Variants in ABCA13 observed in about 807,000 individuals in gnomAD.
ABCA13 encodes ATP binding cassette subfamily A member 13.
ABCA13 carries 476 observed loss-of-function variants against 478.7 expected under a neutral mutation model. The ratio of observed to expected loss-of-function variants is 0.99; its 90% CI spans 0.92 to 1.07. The LOEUF is 1.07. Among genes scored for constraint, ABCA13 ranks in the 50% least tolerant of loss-of-function variants. ABCA13 has a pLI of 0.00. For missense variants in ABCA13, 6,060 were observed against 5,910.6 expected (o/e 1.03, Z -0.83); for synonymous variants, 2,252 against 2,158.9 (o/e 1.04, Z -1.20).
intron 56 of ABCA13, among the ~76,000 whole-genome samples, chr7:48,582,756 A>G (rs969069497): frequency 2.6e-5 from 4 of 152,100 alleles, no homozygotes; most frequent in Non-Finnish European, 5.9e-5. Context: ...TCAACCTTTC[A>G]AAAGTTTGAT....
At chr7:48,425,976 C>T (rs1158213210) in intron 41 of ABCA13, among the ~76,000 whole-genome samples, 2 of 152,034 alleles carry the variant, frequency 1.3e-5, no homozygotes, top group Admixed American at 6.5e-5. Context: ...CTCCTGACCT[C>T]GTGATCCGCC....
At chr7:48,566,541 G>C (rs1394936126) in intron 55 of ABCA13, among the ~76,000 whole-genome samples, 1 of 152,120 alleles carries the variant, frequency 6.6e-6, no homozygotes, top group African/African-American at 2.4e-5. Flanking sequence ...ATATAGATGA[G>C]CTCACTTCTT....
intron 59 of ABCA13, among the ~76,000 whole-genome samples, chr7:48,621,878 T>G (rs577661394): frequency 2.5e-4 from 38 of 152,334 alleles, no homozygotes; most frequent in South Asian, 6.2e-4. Context: ...ATGCTTTTCC[T>G]GGCTTCAGCC....
At chr7:48,521,204 C>CG (rs1462176830) in intron 53 of ABCA13, among the ~76,000 whole-genome samples, 1 of 152,066 alleles carries the variant, frequency 6.6e-6, no homozygotes, top group Non-Finnish European at 1.5e-5. Flanking sequence ...TGGTTGGCTT[C>CG]CCCCCCATAC....
intron 31 of ABCA13, among the ~76,000 whole-genome samples, chr7:48,364,360 A>T (rs764451449): frequency 5.9e-5 from 9 of 152,166 alleles, no homozygotes; most frequent in African/African-American, 2.2e-4. Flanking sequence ...ACAATGTGTG[A>T]TAATCAAATC....
intron 55 of ABCA13, among the ~76,000 whole-genome samples, chr7:48,570,319 CTTTTTTTTT>C (rs35693419): frequency 1.1e-5 from 1 of 88,216 alleles, no homozygotes; most frequent in African/African-American, 5.0e-5. Flanking sequence ...TTTGCATCCT[CTTTTTTTTT>C]TTTTTTTTTT....
chr7:48,429,272 A>C (rs1010224653), intron 42 of ABCA13, among the ~76,000 whole-genome samples: 8 of 152,152 alleles, frequency 5.3e-5, no homozygotes, highest in Admixed American at 5.2e-4. Flanking sequence ...ATTTTTGTGG[A>C]TATGTTTTCT....
At chr7:48,556,519 C>A (rs1329619728) in intron 55 of ABCA13, among the ~76,000 whole-genome samples, 2 of 151,808 alleles carry the variant, frequency 1.3e-5, no homozygotes, top group Non-Finnish European at 2.9e-5. Flanking sequence ...AATTGTTTTA[C>A]CTTCTTGCTG....
chr7:48,193,271 C>A (rs1423328293), intron 2 of ABCA13, among the ~76,000 whole-genome samples: 1 of 152,142 alleles, frequency 6.6e-6, no homozygotes, highest in Non-Finnish European at 1.5e-5. Flanking sequence ...CAATCTAGCA[C>A]ATAGATTTAT....
At position 48,275,211 on chromosome 7, in the gene ABCA13, T is replaced by G; in HGVS notation, c.5545T>G (p.Ser1849Ala). 1 of 1,613,932 alleles carries G rather than the reference T, an allele frequency of 6.2e-7. No individual in the cohort carries two copies. Among genetic ancestry groups the G allele is most frequent in the African/African-American group, 1.3e-5 (1 of 75,046 alleles). ...DPCNVHGLMS[S>A]SFYGKVASIL... ...CTGCAATGTCCATGGGCTCATGTCTTCTTCCTTTTATGGCAAAGTGGCCAG... is the reference window on the plus strand; with the variant it reads ...CTGCAATGTCCATGGGCTCATGTCTGCTTCCTTTTATGGCAAAGTGGCCAG... The change falls in exon 17 of 62, where the codon TCT becomes GCT. Residue 1849 changes from serine to alanine, a missense_variant. Coordinates refer to ENST00000435803, the MANE Select transcript of ABCA13 (RefSeq NM_152701.5).
At chr7:48,287,300 C>T (rs1437797929) in intron 19 of ABCA13, among the ~76,000 whole-genome samples, 1 of 152,112 alleles carries the variant, frequency 6.6e-6, no homozygotes. Context: ...TGGGGGATCT[C>T]CTTTGGGGAA....
In ABCA13 at chr7:48,354,486, G is replaced by T. The variant is rs187532851; in HGVS notation, c.10688+1999G>T. ...ACATTGCAAGAGAGCTAGAAAGGAG[G>T]AATTGAGGGACATGGATGGAGACAT... is the stretch of plus-strand genomic sequence containing the variant. On this transcript the variant is annotated intron_variant, in intron 31 of 61. Transcript: ENST00000435803. 1.2e-3 allele frequency among the ~76,000 whole-genome samples: 185 copies of T among 152,104 alleles called. 2 individuals carry two copies. Among genetic ancestry groups the T allele is most frequent in the African/African-American group, 4.3e-3 (177 of 41,374 alleles).
intron 37 of ABCA13, among the ~76,000 whole-genome samples, chr7:48,389,856 A>T (rs192576718): frequency 6.6e-6 from 1 of 152,330 alleles, no homozygotes; most frequent in Admixed American, 6.5e-5. Flanking sequence ...TGAACAAATC[A>T]CTTTCTCTTT....
In ABCA13 at chr7:48,273,739, T is replaced by C. The variant is rs1288946973; in HGVS notation, c.4073T>C (p.Leu1358Ser). The change falls in exon 17 of 62, where the codon TTA (leucine) becomes TCA (serine). Residue 1358 changes from leucine (L) to serine (S), a missense_variant. Physicochemically the swap from Leu to Ser is moderately radical, Grantham distance 145. Coordinates refer to ENST00000435803, the MANE Select transcript of ABCA13 (RefSeq NM_152701.5). ...TTCCAAAATGTTACTGAGTGTATTTTAGAAGATGGCTTTTTATATGTAAAT... is the reference window on the plus strand; with the variant it reads ...TTCCAAAATGTTACTGAGTGTATTTCAGAAGATGGCTTTTTATATGTAAAT... ...DIFQNVTECI[L>S]EDGFLYVNTS... 9 of 1,610,170 alleles carry C rather than the reference T, an allele frequency of 5.6e-6. No individual in the cohort carries two copies. Among genetic ancestry groups the C allele is most frequent in the Non-Finnish European group, 7.6e-6 (9 of 1,177,990 alleles).
chr7:48,330,577 C>G (rs753879308), intron 27 of ABCA13, among the ~76,000 whole-genome samples: 8 of 150,038 alleles, frequency 5.3e-5, no homozygotes, highest in Non-Finnish European at 7.4e-5. Context: ...ATCCATCCAT[C>G]CATCCATTCA....
chr7:48,618,817 T>G (rs1792857481), intron 59 of ABCA13, among the ~76,000 whole-genome samples: 1 of 152,204 alleles, frequency 6.6e-6, no homozygotes, highest in African/African-American at 2.4e-5. Context: ...AGATGATGTG[T>G]GCTCTGGGTC....
chr7:48,525,503 C>T (rs1450930222), intron 54 of ABCA13, among the ~76,000 whole-genome samples: 1 of 151,982 alleles, frequency 6.6e-6, no homozygotes, highest in African/African-American at 2.4e-5. Context: ...ATACGAGAGC[C>T]TTCAGAATGA....
intron 31 of ABCA13, among the ~76,000 whole-genome samples, chr7:48,362,898 A>G (rs574483112): frequency 1.1e-4 from 16 of 152,142 alleles, no homozygotes; most frequent in Admixed American, 8.5e-4. Flanking sequence ...AAAAAATAGT[A>G]TTTGAGTTTG....
intron 59 of ABCA13, among the ~76,000 whole-genome samples, chr7:48,628,529 G>T (rs1243128124): frequency 1.3e-5 from 2 of 152,182 alleles, no homozygotes; most frequent in Non-Finnish European, 2.9e-5. Context: ...TACTCTGGCT[G>T]CCTGACTTCA....
Sources: allele counts gnomAD v4.1 joint callset (sites outside exome capture counted in the v4.1 genomes callset), GRCh38; gene constraint gnomAD v4.1.1; transcripts MANE v1.5; gene names NCBI Gene and HGNC (gene_info 2026-07-23, HGNC 2026-07-21).